Variants in SYNPO observed in about 807,000 individuals in gnomAD.
SYNPO encodes synaptopodin.
A neutral mutation model predicts 49.5 loss-of-function variants in SYNPO; 19 were observed. The observed-to-expected ratio is 0.38, with a 90% CI of 0.27 to 0.56. The LOEUF is 0.56. Ranked by LOEUF, SYNPO falls within the 20% of genes least tolerant of loss-of-function variation. The pLI, the probability that SYNPO is intolerant of heterozygous loss-of-function variation, is 0.68. For missense variants in SYNPO, 1,131 were observed against 1,248.3 expected (o/e 0.91, Z 1.42); for synonymous variants, 536 against 548.0 (o/e 0.98, Z 0.31).
At chr5:150,589,956 G>A in the SYNPO span, among the ~76,000 whole-genome samples, 7 of 152,298 alleles carry the variant, frequency 4.6e-5, no homozygotes, top group South Asian at 8.3e-4. Context: ...CACATCCCCC[G>A]CCAGGGGTGG....
intron 1 of SYNPO, among the ~76,000 whole-genome samples, chr5:150,608,710 C>T (rs1459605863): frequency 6.6e-6 from 1 of 152,102 alleles, no homozygotes. Context: ...TAGGAACAAC[C>T]TGCGAAGCTT....
intron 2 of SYNPO, among the ~76,000 whole-genome samples, chr5:150,626,604 C>T (rs555961163): frequency 1.8e-4 from 27 of 152,178 alleles, no homozygotes; most frequent in African/African-American, 6.3e-4. Flanking sequence ...CTCCTTCCCT[C>T]CCTAGTCAGC....
Position 150,649,707 on chromosome 5 carries a change from G to A in SYNPO, c.1432G>A (p.Gly478Arg). 1.2e-6 allele frequency: 2 copies of A among 1,612,390 alleles called. No individual in the cohort carries two copies. Among genetic ancestry groups the A allele is most frequent in the Non-Finnish European group, 1.7e-6 (2 of 1,180,006 alleles). The part of the protein sequence containing the change: ...KPNQNLSEAS[G>R]KGAELYARRQ... ...CAACCAGAACCTCTCCGAGGCCTCT[G>A]GGAAGGGAGCTGAGCTCTACGCCCG... Residue 478 changes from glycine to arginine, a missense_variant, in exon 2 of 3, where the codon GGG becomes AGG. This residue lies in a region of SYNPO where 602 missense variants were observed against 720.7 expected (regional missense o/e 0.84). Coordinates refer to ENST00000307662, the MANE Select transcript of SYNPO (RefSeq NM_007286.6).
chr5:150,621,913 C>T (rs1367574476), intron 2 of SYNPO, among the ~76,000 whole-genome samples: 1 of 152,116 alleles, frequency 6.6e-6, no homozygotes, highest in Non-Finnish European at 1.5e-5. Flanking sequence ...CACTAGGGCC[C>T]CCAGCTCACC....
Position 150,650,001 on chromosome 5 carries a change from C to T in SYNPO, c.1726C>T (p.Pro576Ser). ...GCGCCCCTCGCTCTTTGTCCTCTCA[C>T]CTATCAAGGAGCCTGCCAAGGTCTC... ...QLRPSLFVLS[P>S]IKEPAKVSPR... Residue 576 changes from proline (P) to serine (S), a missense_variant, in exon 2 of 3, where the codon CCT (proline) becomes TCT (serine). By Grantham distance (74) the Pro-to-Ser change is moderately conservative (BLOSUM62 -1). Transcript: ENST00000307662. 3 of 1,612,708 alleles carry T rather than the reference C, an allele frequency of 1.9e-6. No homozygotes were observed. Among genetic ancestry groups the T allele is most frequent in the Non-Finnish European group, 2.5e-6 (3 of 1,180,000 alleles).
chr5:150,618,374 G>A, exon 2 of SYNPO: 1 of 1,549,008 alleles, frequency 6.5e-7, no homozygotes, highest in Admixed American at 2.0e-5. Flanking sequence ...CACCATGCTG[G>A]GTCCTCACCT....
chr5:150,609,788 G>GGT (rs1554107086), intron 1 of SYNPO, among the ~76,000 whole-genome samples: 2 of 151,412 alleles, frequency 1.3e-5, no homozygotes, highest in South Asian at 4.2e-4. Context: ...GAATGTGGCG[G>GGT]GGGGGGGCAG....
the SYNPO span, among the ~76,000 whole-genome samples, chr5:150,592,756 C>T: frequency 3.9e-4 from 59 of 152,300 alleles, no homozygotes; most frequent in East Asian, 4.1e-3. Context: ...ATCTTGTGTT[C>T]GAGTGACTGT....
chr5:150,587,219 C>G, the SYNPO span, among the ~76,000 whole-genome samples: 3 of 150,148 alleles, frequency 2.0e-5, no homozygotes, highest in Admixed American at 1.3e-4. Flanking sequence ...TATAGGGATG[C>G]ATGGATGGAT....
chr5:150,621,051 C>T (rs1757157137), intron 2 of SYNPO, among the ~76,000 whole-genome samples: 1 of 150,834 alleles, frequency 6.6e-6, no homozygotes, highest in Admixed American at 6.6e-5. Context: ...CTACCGGGTT[C>T]AAGCAATTCT....
intron 2 of SYNPO, chr5:150,651,472 G>A (rs897307921): frequency 6.0e-6 from 6 of 1,000,714 alleles, no homozygotes; most frequent in Non-Finnish European, 7.2e-6. Flanking sequence ...AGTCCCCTGG[G>A]AAGAAAGAGA....
chr5:150,650,475 G>T, intron 2 of SYNPO, 172 bp downstream of exon 2: 1 of 1,511,056 alleles, frequency 6.6e-7, no homozygotes, highest in Non-Finnish European at 8.9e-7. Flanking sequence ...CCACCAGCTG[G>T]CTTTGTGACC....
chr5:150,592,610 G>A, the SYNPO span, among the ~76,000 whole-genome samples: 2 of 152,380 alleles, frequency 1.3e-5, no homozygotes, highest in East Asian at 3.9e-4. Context: ...AGGCATTGGG[G>A]CTGGACCCAT....
chr5:150,592,900 G>A, the SYNPO span, among the ~76,000 whole-genome samples: 2 of 152,210 alleles, frequency 1.3e-5, no homozygotes, highest in Non-Finnish European at 2.9e-5. Context: ...TGAACCTTGT[G>A]TCCAGTGATA....
chr5:150,603,042 G>GT (rs1561629800), intron 1 of SYNPO, among the ~76,000 whole-genome samples: 37 of 147,410 alleles, frequency 2.5e-4, no homozygotes, highest in African/African-American at 8.3e-4. Context: ...GTGTGTGTGT[G>GT]GTGTATGCTG....
the SYNPO span, among the ~76,000 whole-genome samples, chr5:150,594,156 C>A: frequency 2.0e-5 from 3 of 152,160 alleles, no homozygotes; most frequent in Non-Finnish European, 4.4e-5. Flanking sequence ...TCTGTGGAAT[C>A]CTGTGTGTGG....
intron 2 of SYNPO, chr5:150,618,892 T>A: frequency 3.2e-6 from 4 of 1,241,274 alleles, no homozygotes; most frequent in Non-Finnish European, 4.5e-6. Context: ...CCCATGGGCA[T>A]GCCCAGATTA....
intron 1 of SYNPO, among the ~76,000 whole-genome samples, chr5:150,643,303 T>C (rs1396581923): frequency 1.3e-5 from 2 of 152,220 alleles, no homozygotes; most frequent in African/African-American, 4.8e-5. Flanking sequence ...ATCAATAAAG[T>C]GTGCATAATA....
intron 2 of SYNPO, among the ~76,000 whole-genome samples, chr5:150,626,848 C>A (rs529038368): frequency 6.6e-6 from 1 of 152,234 alleles, no homozygotes; most frequent in East Asian, 1.9e-4. Context: ...AGAGCACATC[C>A]TTAATAGGTG....
Sources: gnomAD v4.1 joint callset for allele counts (sites outside exome capture counted in the v4.1 genomes callset) on GRCh38, gnomAD v4.1.1 for gene constraint, gnomAD v4.1.1 regional missense constraint, MANE v1.5 for transcripts, NCBI Gene and HGNC (gene_info 2026-07-23, HGNC 2026-07-21) for gene names.